NOS1AP: variants seen among roughly 807,000 people sequenced by gnomAD.
NOS1AP encodes the protein nitric oxide synthase 1 adaptor protein.
A neutral mutation model predicts 56.2 loss-of-function variants in NOS1AP; 21 were observed. That is an observed-to-expected ratio of 0.37 (90% CI 0.26 to 0.54). The LOEUF (loss-of-function observed/expected upper bound fraction) is 0.54, where lower values mean the gene tolerates loss of function less well. Ranked by LOEUF, NOS1AP falls within the 20% of genes least tolerant of loss-of-function variation. NOS1AP has a pLI of 0.84. For synonymous variants in NOS1AP, 270 were observed against 274.6 expected, an observed-to-expected ratio of 0.98 and a Z score of 0.17; for missense variants, 522 against 657.8, an observed-to-expected ratio of 0.79 and a Z score of 2.26.
chr1:162,228,555 G>A (rs1653016555), intron 2 of NOS1AP, among the ~76,000 whole-genome samples: 1 of 152,198 alleles, frequency 6.6e-6, no homozygotes. Context: ...CAAGGAGGAG[G>A]GGCCTGGTGA....
intron 1 of NOS1AP, among the ~76,000 whole-genome samples, chr1:162,136,333 A>T (rs1434928843): frequency 6.6e-6 from 1 of 152,120 alleles, no homozygotes; most frequent in Non-Finnish European, 1.5e-5. Context: ...TATGATATAG[A>T]TCTAGGCTCA....
At chr1:162,264,916 C>T (rs979170491) in intron 2 of NOS1AP, among the ~76,000 whole-genome samples, 2 of 144,848 alleles carry the variant, frequency 1.4e-5, no homozygotes, top group South Asian at 4.5e-4. Context: ...TAGGCTCAAG[C>T]GATTCTCTTG....
At chr1:162,248,124 T>C (rs1414660117) in intron 2 of NOS1AP, among the ~76,000 whole-genome samples, 1 of 152,006 alleles carries the variant, frequency 6.6e-6, no homozygotes, top group African/African-American at 2.4e-5. Flanking sequence ...CTCTAATATA[T>C]ATATATATAA....
At chr1:162,171,258 G>A (rs1650767367) in intron 2 of NOS1AP, among the ~76,000 whole-genome samples, 1 of 152,166 alleles carries the variant, frequency 6.6e-6, no homozygotes, top group South Asian at 2.1e-4. Flanking sequence ...AAAAGGTTGT[G>A]GCTTGCTCTG....
intron 2 of NOS1AP, among the ~76,000 whole-genome samples, chr1:162,185,954 A>G (rs1651418823): frequency 6.6e-6 from 1 of 152,204 alleles, no homozygotes; most frequent in Non-Finnish European, 1.5e-5. Context: ...GAGGTCCTAG[A>G]AGGGGCTAAG....
intron 5 of NOS1AP, among the ~76,000 whole-genome samples, chr1:162,341,766 T>C (rs1657114730): frequency 6.6e-6 from 1 of 152,176 alleles, no homozygotes; most frequent in Admixed American, 6.5e-5. Context: ...CCTAGGGGAA[T>C]AACAGTTTCG....
chr1:162,289,631 C>T (rs530152588), intron 3 of NOS1AP, among the ~76,000 whole-genome samples: 18 of 151,848 alleles, frequency 1.2e-4, no homozygotes, highest in Admixed American at 4.6e-4. Context: ...CCCGCCACTA[C>T]GCCCGGCTAA....
At chr1:162,156,683 G>A (rs1649990229) in intron 2 of NOS1AP, among the ~76,000 whole-genome samples, 2 of 152,144 alleles carry the variant, frequency 1.3e-5, no homozygotes, top group Non-Finnish European at 2.9e-5. Context: ...TGATATCTCT[G>A]TTAATAGTAG....
intron 2 of NOS1AP, among the ~76,000 whole-genome samples, chr1:162,212,973 A>G (rs943129952): frequency 6.6e-6 from 1 of 152,172 alleles, no homozygotes; most frequent in African/African-American, 2.4e-5. Flanking sequence ...CCAAGTGACA[A>G]GCTGTGGATC....
intron 2 of NOS1AP, among the ~76,000 whole-genome samples, chr1:162,240,797 AT>A (rs1265045434): frequency 1.3e-5 from 2 of 152,230 alleles, no homozygotes; most frequent in African/African-American, 4.8e-5. Flanking sequence ...GCTGGGTGAT[AT>A]ACTAAGTATT....
At chr1:162,073,577 C>T (rs1022051265) in intron 1 of NOS1AP, among the ~76,000 whole-genome samples, 3 of 152,196 alleles carry the variant, frequency 2.0e-5, no homozygotes, top group Non-Finnish European at 4.4e-5. Context: ...TCTCCTGCCT[C>T]AGCCTCCTGG....
At chr1:162,091,215 A>C (rs1283926179) in intron 1 of NOS1AP, among the ~76,000 whole-genome samples, 1 of 151,986 alleles carries the variant, frequency 6.6e-6, no homozygotes, top group African/African-American at 2.4e-5. Context: ...TGTCCTGGGC[A>C]ATCAGTTTTG....
chr1:162,333,601 G>A (rs1173894178), intron 5 of NOS1AP, among the ~76,000 whole-genome samples: 1 of 152,166 alleles, frequency 6.6e-6, no homozygotes, highest in Non-Finnish European at 1.5e-5. Flanking sequence ...ATTCTGAAGA[G>A]GCATTCTTTA....
intron 3 of NOS1AP, among the ~76,000 whole-genome samples, chr1:162,287,655 C>A (rs1557864054): frequency 6.6e-6 from 1 of 152,146 alleles, no homozygotes; most frequent in African/African-American, 2.4e-5. Context: ...TCCTGGTACC[C>A]CAGGTGATGG....
intron 2 of NOS1AP, among the ~76,000 whole-genome samples, chr1:162,204,236 T>A (rs1652090500): frequency 6.6e-6 from 1 of 152,254 alleles, no homozygotes; most frequent in African/African-American, 2.4e-5. Context: ...TGCCCTACAT[T>A]ACAGCTGGGC....
rs569165203 is a variant in NOS1AP, at chr1:162,238,476, G to A, written c.178-48868G>A. 3.9e-5 allele frequency among the ~76,000 whole-genome samples: 6 copies of A among 152,224 alleles called. No individual in the cohort carries two copies. The East Asian group carries it at 5.8e-4, about 15-fold the overall frequency. On this transcript the variant is annotated intron_variant, in intron 2 of 9. Transcript: ENST00000361897. ...ACATACTACCGGCAACTGCTGCTAC[G>A]TGTTTTTGTTATTGTTGTCTTATGT... is the stretch of plus-strand genomic sequence containing the variant.
intron 8 of NOS1AP, among the ~76,000 whole-genome samples, chr1:162,358,792 C>G (rs889043017): frequency 1.3e-4 from 20 of 152,162 alleles, no homozygotes; most frequent in Non-Finnish European, 2.8e-4. Flanking sequence ...TATTATTTAT[C>G]TAAGAGTGGG....
intron 2 of NOS1AP, among the ~76,000 whole-genome samples, chr1:162,171,253 GT>G: frequency 6.6e-6 from 1 of 152,316 alleles, no homozygotes; most frequent in East Asian, 1.9e-4. Flanking sequence ...GCATGAAAAG[GT>G]TGTGGCTTGC....
chr1:162,181,670 A>G (rs1277312276), intron 2 of NOS1AP, among the ~76,000 whole-genome samples: 1 of 152,206 alleles, frequency 6.6e-6, no homozygotes, highest in South Asian at 2.1e-4. Flanking sequence ...TGAACTGCTC[A>G]CTGGAGTGGA....
Sources: allele counts gnomAD v4.1 joint callset (sites outside exome capture counted in the v4.1 genomes callset), GRCh38; gene constraint gnomAD v4.1.1; transcripts MANE v1.5; gene names NCBI Gene and HGNC (gene_info 2026-07-23, HGNC 2026-07-21).